The following SEMA5A variants were observed in gnomAD, a reference collection of about 807,000 sequenced individuals.
SEMA5A encodes semaphorin-5A.
In SEMA5A, 55 loss-of-function variants were observed where a neutral mutation model predicts 135.5. That is an observed-to-expected ratio of 0.41 (90% confidence interval 0.33 to 0.51). The LOEUF is 0.51. SEMA5A is among the 20% of genes least tolerant of loss of function. The pLI is 0.37. For synonymous variants in SEMA5A, 580 were observed against 546.5 expected, an observed-to-expected ratio of 1.06 and a Z score of -0.85; for missense variants, 1,290 against 1,419.9, an observed-to-expected ratio of 0.91 and a Z score of 1.47.
intron 6 of SEMA5A, among the ~76,000 whole-genome samples, chr5:9,233,979 T>C (rs1747772605): frequency 6.6e-6 from 1 of 151,984 alleles, no homozygotes; most frequent in Non-Finnish European, 1.5e-5. Context: ...AGATGTCACA[T>C]TTTGCATTAT....
At chr5:9,143,405 TTAAA>T (rs1224204175) in intron 12 of SEMA5A, among the ~76,000 whole-genome samples, 49 of 152,298 alleles carry the variant, frequency 3.2e-4, no homozygotes, top group African/African-American at 7.0e-4. Context: ...CGGCTTAACA[TTAAA>T]TAACACTGAT....
rs566571736 is a variant in SEMA5A, at chr5:9,361,134, A to G, written c.124+18689T>C. On this transcript the variant is annotated intron_variant, in intron 3 of 22. Transcript: ENST00000382496. Reference sequence around the variant, plus strand: ...GCCAACATGGTAAAACGCTGTCTCTACTAAAAATACGAAAATTAGCCGGGC... The same window carrying G: ...GCCAACATGGTAAAACGCTGTCTCTGCTAAAAATACGAAAATTAGCCGGGC... Among the ~76,000 whole-genome samples, 5 of 152,214 alleles carry G rather than the reference A, an allele frequency of 3.3e-5. No homozygotes were observed. The East Asian group carries it at 9.7e-4, about 29-fold the overall frequency.
At chr5:9,325,645 C>T (rs1157582620) in intron 4 of SEMA5A, among the ~76,000 whole-genome samples, 1 of 151,618 alleles carries the variant, frequency 6.6e-6, no homozygotes, top group Non-Finnish European at 1.5e-5. Context: ...AAAATGCAGC[C>T]GGCATTAAAG....
intron 1 of SEMA5A, among the ~76,000 whole-genome samples, chr5:9,497,737 G>A (rs1032947774): frequency 3.3e-5 from 5 of 152,196 alleles, no homozygotes; most frequent in Non-Finnish European, 5.9e-5. Context: ...CACACAGCAA[G>A]TAAGTGATGG....
chr5:9,070,626 T>C (rs1042585052), intron 16 of SEMA5A, among the ~76,000 whole-genome samples: 7 of 152,206 alleles, frequency 4.6e-5, no homozygotes, highest in African/African-American at 1.7e-4. Context: ...AGTGTCTGCA[T>C]TGGCATCTGT....
intron 3 of SEMA5A, among the ~76,000 whole-genome samples, chr5:9,366,892 A>G (rs920979774): frequency 9.8e-5 from 15 of 152,354 alleles, no homozygotes; most frequent in Admixed American, 5.2e-4. Context: ...AAAATGGAAC[A>G]CAATAGATTT....
At chr5:9,173,817 G>A (rs935251012) in intron 11 of SEMA5A, among the ~76,000 whole-genome samples, 6 of 152,180 alleles carry the variant, frequency 3.9e-5, no homozygotes, top group African/African-American at 1.4e-4. Context: ...TTGATCTGAT[G>A]AGTAAGACAG....
chr5:9,334,212 G>A (rs1209225744), intron 4 of SEMA5A, among the ~76,000 whole-genome samples: 1 of 151,736 alleles, frequency 6.6e-6, no homozygotes, highest in Non-Finnish European at 1.5e-5. Context: ...CTAGTGCTAT[G>A]AGAAAAAAAA....
In SEMA5A at chr5:9,204,910, G is replaced by A. The variant is rs999106072; in HGVS notation, c.647-2670C>T. 1.3e-5 allele frequency among the ~76,000 whole-genome samples: 2 copies of A among 152,130 alleles called. No individual in the cohort carries two copies. The highest frequency in any genetic ancestry group is 2.9e-5 in the Non-Finnish European group (2 of 68,026). ...TGAACTGTGCATGTGAGGGATCTAAGTTGTACACATCTTATGAGAATCTAA... is the reference window on the plus strand; with the variant it reads ...TGAACTGTGCATGTGAGGGATCTAAATTGTACACATCTTATGAGAATCTAA... On this transcript the variant is annotated intron_variant, in intron 8 of 22. Transcript: ENST00000382496. This position sits in a 1 kb window ranked among gnomAD's most constrained non-coding sequence, Gnocchi z 6.4.
chr5:9,185,715 A>G (rs1744767238), intron 11 of SEMA5A, among the ~76,000 whole-genome samples: 1 of 152,234 alleles, frequency 6.6e-6, no homozygotes, highest in Non-Finnish European at 1.5e-5. Flanking sequence ...ATTATATACA[A>G]TTTAAGGTTC....
At chr5:9,410,240 AAATAT>A (rs1372394735) in intron 2 of SEMA5A, among the ~76,000 whole-genome samples, 1 of 152,234 alleles carries the variant, frequency 6.6e-6, no homozygotes, top group Non-Finnish European at 1.5e-5. Flanking sequence ...AGTAAAAATT[AAATAT>A]AACAATGCAC....
chr5:9,173,832 G>A (rs893673290), intron 11 of SEMA5A, among the ~76,000 whole-genome samples: 7 of 152,126 alleles, frequency 4.6e-5, no homozygotes, highest in Admixed American at 2.6e-4. Context: ...AGACAGGATC[G>A]TGTAGGAACA....
chr5:9,352,654 T>C (rs1483162946), intron 3 of SEMA5A, among the ~76,000 whole-genome samples: 1 of 152,240 alleles, frequency 6.6e-6, no homozygotes. Context: ...ATCCAAATAA[T>C]ATTGTGAATT....
intron 10 of SEMA5A, among the ~76,000 whole-genome samples, chr5:9,192,501 T>C (rs1220854414): frequency 3.3e-5 from 5 of 152,074 alleles, no homozygotes; most frequent in African/African-American, 1.2e-4. Flanking sequence ...CTGTTGAGCT[T>C]CAGTGGCCAG....
chr5:9,512,353 C>T (rs375760359), intron 1 of SEMA5A, among the ~76,000 whole-genome samples: 35 of 152,236 alleles, frequency 2.3e-4, no homozygotes, highest in African/African-American at 7.7e-4. Context: ...CCCTTAGATC[C>T]TCCTAAGCCC....
At chr5:9,269,269 G>A (rs992338464) in intron 5 of SEMA5A, among the ~76,000 whole-genome samples, 1 of 152,146 alleles carries the variant, frequency 6.6e-6, no homozygotes, top group Non-Finnish European at 1.5e-5. Flanking sequence ...TGGCAGGCAG[G>A]AGATGGCCAG....
chr5:9,511,208 T>C (rs1267873095), intron 1 of SEMA5A: 1 of 152,222 alleles, frequency 6.6e-6, no homozygotes, highest in Non-Finnish European at 1.5e-5. Flanking sequence ...ACAACAGTGC[T>C]ACATAGTCCT....
intron 1 of SEMA5A, among the ~76,000 whole-genome samples, chr5:9,438,959 G>T (rs1242214730): frequency 6.6e-6 from 1 of 152,202 alleles, no homozygotes; most frequent in Non-Finnish European, 1.5e-5. Context: ...CAGGGAACAG[G>T]TCAAGGTGGC....
At chr5:9,087,286 T>G (rs1250164247) in intron 16 of SEMA5A, among the ~76,000 whole-genome samples, 1 of 152,226 alleles carries the variant, frequency 6.6e-6, no homozygotes, top group African/African-American at 2.4e-5. Flanking sequence ...ATGTATAAGT[T>G]GAACTTAAAC....
Sources: allele counts gnomAD v4.1 joint callset (sites outside exome capture counted in the v4.1 genomes callset), GRCh38; gene constraint gnomAD v4.1.1; non-coding constraint Gnocchi (gnomAD v3.1); transcripts MANE v1.5; gene names NCBI Gene and HGNC (gene_info 2026-07-23, HGNC 2026-07-21).